Variants in SYT9 observed in about 807,000 individuals in gnomAD.
SYT9 encodes the protein synaptotagmin-9.
Under a neutral mutation model 48.4 loss-of-function variants are expected in SYT9, and 22 were observed. That is an observed-to-expected ratio of 0.45 (90% CI 0.32 to 0.65). The LOEUF is 0.65. Among genes scored for constraint, SYT9 ranks in the 30% least tolerant of loss-of-function variants. SYT9 has a pLI of 0.03. For missense variants in SYT9, 577 were observed against 622.0 expected (o/e 0.93, Z 0.77); for synonymous variants, 265 against 245.0 (o/e 1.08, Z -0.76).
At chr11:7,323,253 T>A (rs1018501111) in intron 3 of SYT9, among the ~76,000 whole-genome samples, 1 of 152,158 alleles carries the variant, frequency 6.6e-6, no homozygotes, top group Admixed American at 6.5e-5. Flanking sequence ...TCTAAGAAGT[T>A]TGACCACTTA....
intron 5 of SYT9, among the ~76,000 whole-genome samples, chr11:7,419,555 A>C (rs1847310922): frequency 1.3e-5 from 2 of 152,162 alleles, no homozygotes; most frequent in Non-Finnish European, 2.9e-5. Context: ...ACTGCTAGAG[A>C]AAACAAAAAT....
chr11:7,403,338 T>C (rs747671550), intron 3 of SYT9, among the ~76,000 whole-genome samples: 10 of 152,150 alleles, frequency 6.6e-5, no homozygotes, highest in Non-Finnish European at 1.2e-4. Flanking sequence ...GGTATTGAGC[T>C]CAGGAGTTCA....
At chr11:7,250,322 G>C (rs1182221875), upstream of SYT9, among the ~76,000 whole-genome samples, 2 of 152,066 alleles carry the variant, frequency 1.3e-5, no homozygotes, top group East Asian at 3.8e-4. Flanking sequence ...CTCTTGCCTG[G>C]TTTATCAAAG....
intron 3 of SYT9, among the ~76,000 whole-genome samples, chr11:7,369,800 C>A (rs897135515): frequency 1.1e-4 from 15 of 142,394 alleles, no homozygotes; most frequent in African/African-American, 4.6e-4. Flanking sequence ...CACAAACACA[C>A]ACACACACAC....
intron 3 of SYT9, among the ~76,000 whole-genome samples, chr11:7,329,091 A>C (rs1849485191): frequency 6.6e-6 from 1 of 152,180 alleles, no homozygotes; most frequent in Admixed American, 6.5e-5. Context: ...GTGTCTCATC[A>C]ATTCTGAAAA....
chr11:7,466,731 A>AG (rs1389872764), intron 6 of SYT9, 61 bp from the exon 7 acceptor site: 5 of 1,570,358 alleles, frequency 3.2e-6, no homozygotes, highest in Admixed American at 1.9e-5. Context: ...AAAAAAAAAA[A>AG]AAAAAGAAAA....
intron 1 of SYT9, among the ~76,000 whole-genome samples, chr11:7,263,357 C>T (rs1848115321): frequency 6.6e-6 from 1 of 152,158 alleles, no homozygotes; most frequent in African/African-American, 2.4e-5. Flanking sequence ...GGGCATTAAT[C>T]CCATTCATGG....
chr11:7,241,236 A>G (rs865917977), intron 1 of SYT9, among the ~76,000 whole-genome samples: 15 of 146,070 alleles, frequency 1.0e-4, no homozygotes, highest in East Asian at 3.9e-4. Context: ...ACACACACAC[A>G]CGCACACACT....
intron 3 of SYT9, among the ~76,000 whole-genome samples, chr11:7,322,310 G>A (rs576891902): frequency 3.9e-5 from 6 of 152,088 alleles, no homozygotes; most frequent in Admixed American, 2.6e-4. Flanking sequence ...AAAAAGGACC[G>A]GCTGCTTAAC....
intron 1 of SYT9, among the ~76,000 whole-genome samples, chr11:7,246,051 CT>C (rs919538026): frequency 2.3e-4 from 35 of 149,972 alleles, no homozygotes; most frequent in African/African-American, 4.9e-4. Flanking sequence ...CTTCTATGCA[CT>C]TTTTTTTTTC....
intron 6 of SYT9, among the ~76,000 whole-genome samples, chr11:7,434,527 G>A (rs1847666510): frequency 6.6e-6 from 1 of 152,136 alleles, no homozygotes; most frequent in Non-Finnish European, 1.5e-5. Context: ...GGTGGTGGAG[G>A]TGAAGGGTGT....
At chr11:7,342,304 C>T (rs771942440) in intron 3 of SYT9, among the ~76,000 whole-genome samples, 6 of 152,102 alleles carry the variant, frequency 3.9e-5, no homozygotes, top group Non-Finnish European at 8.8e-5. Flanking sequence ...AAGGCAAGTC[C>T]CTTCCACCTA....
At chr11:7,292,787 T>G (rs1037887795) in intron 1 of SYT9, among the ~76,000 whole-genome samples, 1 of 152,216 alleles carries the variant, frequency 6.6e-6, no homozygotes, top group East Asian at 1.9e-4. Context: ...TAGAAAACAT[T>G]GTAGATTTTG....
In SYT9 at chr11:7,252,003, C is replaced by A. The variant is rs1032258060; in HGVS notation, c.-184C>A. 4 of 551,980 alleles carry A rather than the reference C, an allele frequency of 7.2e-6. No individual in the cohort carries two copies. In the African/African-American group the frequency reaches 7.9e-5, roughly 11 times the overall value. The allele number at this position is 551,980 out of a possible 1,614,324, so 34.2% of individuals were successfully genotyped here. A position where few individuals can be genotyped will look rare whatever the true frequency, so the allele number is the denominator to read the frequency against. On this transcript the variant is annotated 5_prime_UTR_variant, in exon 1 of 7. The change creates a new upstream start codon in the 5' untranslated region. Coordinates refer to ENST00000318881, the MANE Select transcript of SYT9 (RefSeq NM_175733.4). The surrounding 1 kb of genome is among the most constrained non-coding windows in gnomAD (Gnocchi z 6.3). ...GCCTGACCGACCGGCTGGCGAAGAGCTGCATGCAACCGGTGGGAGGCCGGG... is the reference window on the plus strand; with the variant it reads ...GCCTGACCGACCGGCTGGCGAAGAGATGCATGCAACCGGTGGGAGGCCGGG...
intron 1 of SYT9, among the ~76,000 whole-genome samples, chr11:7,272,785 T>C (rs1208778225): frequency 6.6e-6 from 1 of 152,160 alleles, no homozygotes; most frequent in Non-Finnish European, 1.5e-5. Context: ...AGAGAAGAAA[T>C]AAATAAGCTC....
intron 1 of SYT9, among the ~76,000 whole-genome samples, chr11:7,260,140 G>A (rs527778513): frequency 6.6e-6 from 1 of 152,228 alleles, no homozygotes; most frequent in Non-Finnish European, 1.5e-5. Context: ...TATGTACAAG[G>A]TTGGGCATCT....
chr11:7,390,127 C>T (rs1237569276), intron 3 of SYT9, among the ~76,000 whole-genome samples: 1 of 152,156 alleles, frequency 6.6e-6, no homozygotes, highest in Non-Finnish European at 1.5e-5. Flanking sequence ...ACTGCTATCC[C>T]TCCCCCAGCT....
Position 7,416,235 on chromosome 11 carries a change from G to T in SYT9, c.1165+73G>T. 6 of 1,569,760 alleles carry T rather than the reference G, an allele frequency of 3.8e-6. No homozygotes were observed. In the Admixed American group the frequency reaches 1.0e-4, roughly 27 times the overall value. ...AAGTACCTTATAAAGTTTTAGTATG[G>T]TAATAAAGCACATTGACTCTGGAAC... is the stretch of plus-strand genomic sequence containing the variant. On this transcript the variant is annotated intron_variant, in intron 4 of 6. Coordinates refer to ENST00000318881, the MANE Select transcript of SYT9 (RefSeq NM_175733.4).
chr11:7,285,092 C>T (rs189770513), intron 1 of SYT9, among the ~76,000 whole-genome samples: 29 of 152,214 alleles, frequency 1.9e-4, no homozygotes, highest in Admixed American at 1.5e-3. Flanking sequence ...CCTAAGACAC[C>T]GAGCTATCCC....
Sources: gnomAD v4.1 joint callset for allele counts (sites outside exome capture counted in the v4.1 genomes callset) on GRCh38, gnomAD v4.1.1 for gene constraint, Gnocchi (gnomAD v3.1) non-coding constraint, MANE v1.5 for transcripts, NCBI Gene and HGNC (gene_info 2026-07-23, HGNC 2026-07-21) for gene names.